The following TXNRD1 variants were observed in gnomAD, a reference collection of about 807,000 sequenced individuals.
TXNRD1 encodes thioredoxin reductase 1, cytoplasmic.
In TXNRD1, 57 loss-of-function variants were observed where a neutral mutation model predicts 80.3. That is an observed-to-expected ratio of 0.71 (90% confidence interval 0.57 to 0.89). The LOEUF is 0.89. Among genes scored for constraint, TXNRD1 ranks in the 40% least tolerant of loss-of-function variants. The pLI, the probability that TXNRD1 is intolerant of heterozygous loss-of-function variation, is 0.00. For synonymous variants in TXNRD1, 291 were observed against 285.2 expected (o/e 1.02, Z -0.20); for missense variants, 730 against 803.0 (o/e 0.91, Z 1.10).
At chr12:104,328,758 C>CAAA (rs33918583) in intron 13 of TXNRD1, among the ~76,000 whole-genome samples, 5 of 92,780 alleles carry the variant, frequency 5.4e-5, no homozygotes, top group African/African-American at 1.2e-4. Context: ...GACTCTGCCT[C>CAAA]AAAAAAAAAA....
At chr12:104,268,076 C>G (rs1383459495) in intron 3 of TXNRD1, among the ~76,000 whole-genome samples, 1 of 151,696 alleles carries the variant, frequency 6.6e-6, no homozygotes, top group African/African-American at 2.4e-5. Context: ...GTCTCAAACT[C>G]CTGACCTCAG....
At chr12:104,275,685 G>C (rs978479102) in intron 3 of TXNRD1, among the ~76,000 whole-genome samples, 1 of 152,160 alleles carries the variant, frequency 6.6e-6, no homozygotes, top group Admixed American at 6.6e-5. Flanking sequence ...ACCCAGCCTT[G>C]AGTTAAGTTT....
At chr12:104,309,702 G>T in intron 4 of TXNRD1, 1 of 1,329,764 alleles carries the variant, frequency 7.5e-7, no homozygotes. Flanking sequence ...GTTACTTGAA[G>T]CATAATTGAT....
intron 4 of TXNRD1, 134 bp downstream of exon 4, chr12:104,289,174 G>GGT: frequency 9.6e-7 from 1 of 1,037,930 alleles, no homozygotes; most frequent in South Asian, 1.8e-5. Flanking sequence ...GACGAAAAAC[G>GGT]CTCGTGGGCT....
At chr12:104,286,590 T>C (rs4077561) in intron 3 of TXNRD1, 170,722 of 359,178 alleles carry the variant, frequency 0.48, 36,025 homozygotes, top group East Asian at 0.58. Context: ...TTTGGAGTTT[T>C]TTTTTTTTTT....
At chr12:104,295,107 AT>A (rs1270014654) in intron 4 of TXNRD1, among the ~76,000 whole-genome samples, 1 of 152,200 alleles carries the variant, frequency 6.6e-6, no homozygotes, top group Non-Finnish European at 1.5e-5. Context: ...GACTACCAAG[AT>A]TTATTAGAGT....
At chr12:104,335,236 C>T (rs1381159082) in intron 15 of TXNRD1, among the ~76,000 whole-genome samples, 2 of 134,598 alleles carry the variant, frequency 1.5e-5, no homozygotes, top group Non-Finnish European at 1.5e-5. Flanking sequence ...GAGTCTTGCT[C>T]TGTTGCCCAG....
intron 7 of TXNRD1, among the ~76,000 whole-genome samples, chr12:104,317,289 C>T (rs1291918410): frequency 6.6e-6 from 1 of 151,634 alleles, no homozygotes; most frequent in Admixed American, 6.6e-5. Context: ...GAGGTTAGTC[C>T]AAGCTTCCTG....
chr12:104,279,953 C>T (rs1171291993), intron 3 of TXNRD1, among the ~76,000 whole-genome samples: 4 of 150,384 alleles, frequency 2.7e-5, no homozygotes, highest in Non-Finnish European at 4.4e-5. Flanking sequence ...GTCCCAGCTA[C>T]TCGAGAGGCT....
intron 2 of TXNRD1, among the ~76,000 whole-genome samples, chr12:104,251,880 A>G (rs1319588183): frequency 1.3e-5 from 2 of 152,112 alleles, no homozygotes; most frequent in Admixed American, 6.6e-5. Flanking sequence ...CCTGGCCAAC[A>G]TGATGAAACC....
At chr12:104,339,527 T>C in intron 16 of TXNRD1, 2 of 594,978 alleles carry the variant, frequency 3.4e-6, no homozygotes. Context: ...ATATTTTATT[T>C]ATCATATCTT....
At chr12:104,229,363 G>A (rs889363728) in intron 1 of TXNRD1, among the ~76,000 whole-genome samples, 1 of 151,650 alleles carries the variant, frequency 6.6e-6, no homozygotes, top group Non-Finnish European at 1.5e-5. Context: ...GCCCAGGCTG[G>A]TCTTGAACTC....
chr12:104,256,890 T>C lies in TXNRD1; in HGVS notation c.244-1129T>C, dbSNP rs530838780. ...GTTGAATTTGGTCCTATAGAAATGA[T>C]AGAAATCTCCGAGTGTACTTCCATA... On this transcript the variant is annotated intron_variant, in intron 2 of 16. Transcript: ENST00000525566. Among the ~76,000 whole-genome samples the C allele has an allele frequency of 1.3e-3, 191 of 151,576 alleles. No individual in the cohort carries two copies. In the Middle Eastern group the frequency reaches 0.024, roughly 19 times the overall value.
At chr12:104,304,967 T>G (rs1018857764) in intron 4 of TXNRD1, 15 of 1,533,236 alleles carry the variant, frequency 9.8e-6, no homozygotes, top group Non-Finnish European at 1.0e-5. Context: ...CTTTTTGTGT[T>G]TTTTTTCTGA....
chr12:104,316,223 G>A (rs191828162), intron 7 of TXNRD1, among the ~76,000 whole-genome samples: 140 of 146,374 alleles, frequency 9.6e-4, no homozygotes, highest in African/African-American at 3.3e-3. Context: ...TTTCTTTCAT[G>A]TTGCATTTTT....
chr12:104,266,524 CAA>C (rs60829935), intron 3 of TXNRD1, among the ~76,000 whole-genome samples: 8,446 of 111,402 alleles, frequency 0.076, 311 homozygotes, highest in South Asian at 0.15. Flanking sequence ...GAATTCATCT[CAA>C]AAAAAAAAAA....
intron 2 of TXNRD1, among the ~76,000 whole-genome samples, chr12:104,252,660 T>TATATATATATATATATA (rs1182730147): frequency 2.4e-4 from 13 of 53,208 alleles, no homozygotes; most frequent in African/African-American, 7.4e-4. Flanking sequence ...ATTTATTATT[T>TATATATATATATATATA]TTTATATATA....
chr12:104,265,709 C>T, intron 3 of TXNRD1: 1 of 1,600,534 alleles, frequency 6.2e-7, no homozygotes, highest in Non-Finnish European at 8.5e-7. Flanking sequence ...GAGATCGCGG[C>T]CAGCAAGTGC....
chr12:104,215,953 C>G (rs1035447973), intron 1 of TXNRD1, 60 bp downstream of exon 1: 1 of 1,448,194 alleles, frequency 6.9e-7, no homozygotes, highest in Admixed American at 2.0e-5. Context: ...GCCTTCCGGC[C>G]GGGGTTGGGG....
Sources: allele counts gnomAD v4.1 joint callset (sites outside exome capture counted in the v4.1 genomes callset), GRCh38; gene constraint gnomAD v4.1.1; transcripts MANE v1.5; gene names NCBI Gene and HGNC (gene_info 2026-07-23, HGNC 2026-07-21).